Variants in PABPC4 observed in about 807,000 individuals in gnomAD.
The protein encoded by PABPC4 is poly(A) binding protein cytoplasmic 4, also known as polyadenylate-binding protein 4.
Under a neutral mutation model 74.5 loss-of-function variants are expected in PABPC4, and 15 were observed. The observed-to-expected ratio is 0.20, with a 90% confidence interval of 0.13 to 0.31. The LOEUF (loss-of-function observed/expected upper bound fraction) is 0.31, where lower values mean the gene tolerates loss of function less well. Among genes scored for constraint, PABPC4 ranks in the 10% least tolerant of loss-of-function variants. The probability of loss-of-function intolerance (pLI) is 1.00; values close to 1 mark genes in which losing one functional copy is unlikely to be tolerated. For synonymous variants in PABPC4, 345 were observed against 303.0 expected (o/e 1.14, Z -1.44); for missense variants, 610 against 853.5 (o/e 0.71, Z 3.55).
intron 1 of PABPC4, among the ~76,000 whole-genome samples, chr1:39,574,599 G>C (rs1173400022): frequency 6.6e-6 from 1 of 152,230 alleles, no homozygotes; most frequent in African/African-American, 2.4e-5. Context: ...ACAGAACTCA[G>C]CTTGGAGCAC....
intron 7 of PABPC4, among the ~76,000 whole-genome samples, 178 bp from the exon 8 acceptor site, chr1:39,565,556 G>A (rs758449138): frequency 5.3e-5 from 8 of 151,812 alleles, no homozygotes; most frequent in Admixed American, 3.3e-4. Context: ...AGGGCCAGGC[G>A]CAGTGGCTCA....
chr1:39,568,908 C>T lies in PABPC4; in HGVS notation c.770G>A (p.Ser257Asn). ...AVEEMNGKEI[S>N]GKIIFVGRAQ... ...ACGGCCTACAAATATGATTTTACCA[C>T]TTATTTCTTTTCCATTCATCTCTTC... Residue 257 changes from serine (S) to asparagine (N), a missense_variant, in exon 6 of 16, where the codon AGT (serine) becomes AAT (asparagine). Coordinates refer to ENST00000372858, the MANE Select transcript of PABPC4 (RefSeq NM_001135653.2). 6.2e-7 allele frequency: 1 copy of T among 1,613,884 alleles called. No individual in the cohort carries two copies. The highest frequency in any genetic ancestry group is 8.5e-7 in the Non-Finnish European group (1 of 1,179,932).
chr1:39,567,572 G>A (rs988881309), intron 7 of PABPC4, 179 bp downstream of exon 7: 3 of 699,794 alleles, frequency 4.3e-6, no homozygotes, highest in Admixed American at 3.6e-5. Flanking sequence ...GGGAAACAGT[G>A]TAATGTTAAC....
chr1:39,564,977 C>G (rs1645815155), intron 8 of PABPC4, 129 bp downstream of exon 8: 1 of 1,088,068 alleles, frequency 9.2e-7, no homozygotes, highest in Non-Finnish European at 1.3e-6. Flanking sequence ...GTAAGTCCTT[C>G]ATTTTTACTT....
intron 6 of PABPC4, chr1:39,568,362 T>C (rs2124455688): frequency 6.1e-6 from 1 of 164,700 alleles, no homozygotes; most frequent in East Asian, 1.8e-4. Flanking sequence ...TTTAACAAGC[T>C]CTGCTGATGA....
At chr1:39,569,369 C>T in intron 5 of PABPC4, 1 of 574,532 alleles carries the variant, frequency 1.7e-6, no homozygotes. Context: ...CTGTCCTATT[C>T]TTTCAACAAC....
intron 6 of PABPC4, chr1:39,568,497 C>CTT (rs1419653895): frequency 3.7e-6 from 1 of 267,710 alleles, no homozygotes; most frequent in African/African-American, 2.2e-5. Context: ...CAGCAGGGGT[C>CTT]TTCTTGAAGC....
chr1:39,574,143 A>G (rs556822821), intron 1 of PABPC4, among the ~76,000 whole-genome samples: 87 of 152,142 alleles, frequency 5.7e-4, no homozygotes, highest in African/African-American at 2.0e-3. Context: ...ATTTCCAACA[A>G]CTTTCCCCAC....
intron 7 of PABPC4, among the ~76,000 whole-genome samples, chr1:39,566,434 A>C (rs530439726): frequency 1.3e-5 from 2 of 152,168 alleles, no homozygotes; most frequent in East Asian, 3.8e-4. Context: ...ATTTCCAAGA[A>C]ATACTCCAAA....
rs1292900726 is a variant in PABPC4 at position 39,561,062 on chromosome 1, A to G, written c.*74T>C. 1 of 465,848 alleles carries G rather than the reference A, an allele frequency of 2.1e-6. No homozygotes were observed. Among genetic ancestry groups the G allele is most frequent in the East Asian group, 7.0e-5 (1 of 14,348 alleles). The allele number at this position is 465,848 out of a possible 1,614,324, so 28.9% of individuals were successfully genotyped here. A position where few individuals can be genotyped will look rare whatever the true frequency, so the allele number is the denominator to read the frequency against. On this transcript the variant is annotated 3_prime_UTR_variant, in exon 16 of 16. Coordinates refer to ENST00000372858, the MANE Select transcript of PABPC4 (RefSeq NM_001135653.2). ...TCCTTGGTGTTGAGGTCCATAGGAC[A>G]AGCTAGGAAGTCTTCAAACCTTGAG...
In PABPC4 at chr1:39,564,452, C is replaced by T. The variant is rs773329643; in HGVS notation, c.1424G>A (p.Arg475His). The change falls in exon 10 of 16, where the codon CGT (arginine) becomes CAT (histidine). Residue 475 changes from arginine (R) to histidine (H), a missense_variant. Around this residue, in one of 4 missense-constraint regions of PABPC4, gnomAD observed 277 missense variants for 301.8 expected, o/e 0.92. Transcript: ENST00000372858. ...TCTCTGAGTGGTAGTAGGGAGGCCA[C>T]GAGAGGCCGGAGCATTACCAGTTGG... is the stretch of plus-strand genomic sequence containing the variant. ...LAPTGNAPAS[R>H]GLPTTTQRVG... 5.0e-6 allele frequency: 8 copies of T among 1,613,996 alleles called. No individual in the cohort carries two copies. The highest frequency in any genetic ancestry group is 1.1e-5 in the South Asian group (1 of 91,074).
In PABPC4 at chr1:39,561,678, C is replaced by T; in HGVS notation, c.*13+7G>A. ...ATAGGAACAAAAATGAAAATAGCCA[C>T]ACATACGGTTTTTCCTTGTCTAAGA... On this transcript the variant is annotated splice_region_variant and intron_variant, in intron 15 of 15. Coordinates refer to ENST00000372858, the MANE Select transcript of PABPC4 (RefSeq NM_001135653.2). The T allele has an allele frequency of 2.5e-6, 4 of 1,594,644 alleles. No individual in the cohort carries two copies. The highest frequency in any genetic ancestry group is 3.4e-6 in the Non-Finnish European group (4 of 1,164,058).
At chr1:39,568,626 C>T (rs960945351) in intron 6 of PABPC4, 176 bp downstream of exon 6, 3 of 526,710 alleles carry the variant, frequency 5.7e-6, no homozygotes, top group Non-Finnish European at 9.8e-6. Flanking sequence ...GTTTCTGGTT[C>T]TATAATAATC....
chr1:39,568,604 A>C, intron 6 of PABPC4, 198 bp downstream of exon 6: 1 of 484,470 alleles, frequency 2.1e-6, no homozygotes, highest in East Asian at 3.4e-5. Context: ...TTGATGAATA[A>C]ACCCATCTCT....
chr1:39,563,472 G>A, intron 12 of PABPC4, 142 bp downstream of exon 12: 3 of 1,082,518 alleles, frequency 2.8e-6, no homozygotes, highest in Non-Finnish European at 3.9e-6. Flanking sequence ...GCCCCTGAAG[G>A]GCAGGGACAG....
chr1:39,562,584 T>C lies in PABPC4; in HGVS notation c.1669-168A>G, dbSNP rs192063116. ...AGTCCTTGAAGGATTGAGGGGTGTG[T>C]TGAGGAACAGAGTGGTATGGACATA... On this transcript the variant is annotated intron_variant, in intron 12 of 15. Coordinates refer to ENST00000372858, the MANE Select transcript of PABPC4 (RefSeq NM_001135653.2). The C allele has an allele frequency of 9.9e-4, 579 of 582,498 alleles. 1 individual carries two copies. Among genetic ancestry groups the C allele is most frequent in the African/African-American group, 9.3e-3 (503 of 53,828 alleles). The allele number at this position is 582,498 out of a possible 1,614,324, so 36.1% of individuals were successfully genotyped here.
chr1:39,564,745 G>C lies in PABPC4; in HGVS notation c.1274C>G (p.Pro425Arg), dbSNP rs766035437. The stretch of plus-strand genomic sequence containing the variant: ...AGGCCTCATCTGTGCTAACTGGTTA[G>C]GTGTATAATATGGAGGCCTTCCCTG... The part of the protein sequence containing the change: ...QAQGRPPYYT[P>R]NQLAQMRPNP... Residue 425 changes from proline (P) to arginine (R), a missense_variant, in exon 9 of 16, where the codon CCT becomes CGT. Around this residue, in one of 4 missense-constraint regions of PABPC4, gnomAD observed 277 missense variants for 301.8 expected, o/e 0.92. Coordinates refer to ENST00000372858, the MANE Select transcript of PABPC4 (RefSeq NM_001135653.2). 6.2e-7 allele frequency: 1 copy of C among 1,613,990 alleles called. No homozygotes were observed. The highest frequency in any genetic ancestry group is 1.3e-5 in the African/African-American group (1 of 74,920).
intron 12 of PABPC4, chr1:39,563,297 C>G (rs551251277): frequency 3.4e-6 from 1 of 291,648 alleles, no homozygotes; most frequent in Non-Finnish European, 6.4e-6. Context: ...AGCCAAGGAT[C>G]CAATAGGTCA....
At chr1:39,573,870 C>T (rs1174887275) in intron 1 of PABPC4, among the ~76,000 whole-genome samples, 1 of 152,104 alleles carries the variant, frequency 6.6e-6, no homozygotes, top group Non-Finnish European at 1.5e-5. Context: ...ACACCACCTG[C>T]CAGCCAAAAC....
Sources: gnomAD v4.1 joint callset for allele counts (sites outside exome capture counted in the v4.1 genomes callset) on GRCh38, gnomAD v4.1.1 for gene constraint, gnomAD v4.1.1 regional missense constraint, MANE v1.5 for transcripts, NCBI Gene and HGNC (gene_info 2026-07-23, HGNC 2026-07-21) for gene names.